The following QTMAN variants were observed in gnomAD, a reference collection of about 807,000 sequenced individuals.
QTMAN encodes the protein queuosine-tRNA mannosyltransferase.
the QTMAN span, chr2:144,208,817 C>A: frequency 3.4e-6 from 5 of 1,458,902 alleles, no homozygotes; most frequent in East Asian, 2.4e-5. Flanking sequence ...AAATAACAAC[C>A]AAAAAATGTA....
chr2:144,109,670 A>C, the QTMAN span, among the ~76,000 whole-genome samples: 1 of 152,144 alleles, frequency 6.6e-6, no homozygotes, highest in Non-Finnish European at 1.5e-5. Flanking sequence ...TAATATCCAG[A>C]ATCTACAATA....
At chr2:144,259,385 C>T in the QTMAN span, among the ~76,000 whole-genome samples, 2 of 152,158 alleles carry the variant, frequency 1.3e-5, no homozygotes, top group Non-Finnish European at 2.9e-5. Flanking sequence ...TCTCAAACTT[C>T]TGATCTCAAG....
the QTMAN span, among the ~76,000 whole-genome samples, chr2:144,315,488 T>C: frequency 2.6e-5 from 4 of 152,330 alleles, no homozygotes; most frequent in African/African-American, 9.6e-5. Context: ...CACCATAAGA[T>C]AGAAATACAA....
chr2:144,174,168 C>T, the QTMAN span, among the ~76,000 whole-genome samples: 2 of 152,170 alleles, frequency 1.3e-5, no homozygotes, highest in Non-Finnish European at 2.9e-5. Context: ...AGGTGAAACC[C>T]TCTACAGACA....
At chr2:144,182,645 A>G in the QTMAN span, among the ~76,000 whole-genome samples, 1 of 123,342 alleles carries the variant, frequency 8.1e-6, no homozygotes, top group African/African-American at 3.6e-5. Context: ...CTCCGTCTCA[A>G]AAAAAAAAAA....
the QTMAN span, among the ~76,000 whole-genome samples, chr2:144,206,447 T>C: frequency 3.3e-5 from 5 of 152,192 alleles, no homozygotes; most frequent in Non-Finnish European, 5.9e-5. Flanking sequence ...TTCATGCTAC[T>C]GCTATTTTTC....
chr2:144,275,890 C>T, the QTMAN span, among the ~76,000 whole-genome samples: 4 of 152,120 alleles, frequency 2.6e-5, no homozygotes, highest in Non-Finnish European at 4.4e-5. Flanking sequence ...AATAATTTCA[C>T]AGAGTTCCCA....
chr2:144,266,748 AGTCACTACTACTTTCGGTACATAT>A, the QTMAN span, among the ~76,000 whole-genome samples: 1 of 152,254 alleles, frequency 6.6e-6, no homozygotes, highest in Non-Finnish European at 1.5e-5. Flanking sequence ...AACTCAGGCA[AGTCACTACTACTTTCGGTACATAT>A]GTCCCCATCT....
chr2:144,255,746 A>T, the QTMAN span, among the ~76,000 whole-genome samples: 25 of 152,210 alleles, frequency 1.6e-4, no homozygotes, highest in African/African-American at 6.0e-4. Context: ...AGGGCATTAA[A>T]ACTATGTTGT....
chr2:143,971,115 C>CTTT, the QTMAN span, among the ~76,000 whole-genome samples: 57 of 144,438 alleles, frequency 3.9e-4, no homozygotes, highest in African/African-American at 1.4e-3. Context: ...TAAAAATAAA[C>CTTT]TTTTTTTTTT....
chr2:144,320,111 G>A, the QTMAN span, among the ~76,000 whole-genome samples: 1 of 152,172 alleles, frequency 6.6e-6, no homozygotes, highest in African/African-American at 2.4e-5. Context: ...TTTGTGACAT[G>A]TGAAGATTAT....
chr2:144,254,471 T>G, the QTMAN span, among the ~76,000 whole-genome samples: 3 of 152,084 alleles, frequency 2.0e-5, no homozygotes, highest in Non-Finnish European at 4.4e-5. Flanking sequence ...TTTGGGAACC[T>G]CCACCTATAT....
chr2:144,176,493 C>A, the QTMAN span, among the ~76,000 whole-genome samples: 1 of 151,562 alleles, frequency 6.6e-6, no homozygotes, highest in African/African-American at 2.4e-5. Context: ...TACTAGACAA[C>A]AAAATTAGGC....
chr2:144,330,602 C>G, the QTMAN span, among the ~76,000 whole-genome samples: 1 of 152,204 alleles, frequency 6.6e-6, no homozygotes, highest in African/African-American at 2.4e-5. Context: ...AATGTAAATA[C>G]TTCCTAACTA....
chr2:144,127,655 C>T, the QTMAN span, among the ~76,000 whole-genome samples: 1 of 151,868 alleles, frequency 6.6e-6, no homozygotes, highest in Non-Finnish European at 1.5e-5. Context: ...GTAGGTGTGA[C>T]CTTATACATG....
the QTMAN span, among the ~76,000 whole-genome samples, chr2:144,235,978 A>AATT: frequency 2.7e-5 from 4 of 150,750 alleles, no homozygotes; most frequent in African/African-American, 7.3e-5. Context: ...TAATAATAAT[A>AATT]ATTATTATTA....
chr2:144,011,608 G>A, the QTMAN span: 41 of 947,184 alleles, frequency 4.3e-5, no homozygotes, highest in Middle Eastern at 2.7e-3. Flanking sequence ...GTACAGTTAA[G>A]AGAAGCCTGG....
the QTMAN span, among the ~76,000 whole-genome samples, chr2:144,165,082 G>A: frequency 6.6e-6 from 1 of 151,902 alleles, no homozygotes; most frequent in Admixed American, 6.6e-5. Context: ...AGCAAGTTAG[G>A]GAAGGCTGGC....
At chr2:144,086,996 T>C in the QTMAN span, among the ~76,000 whole-genome samples, 1 of 152,138 alleles carries the variant, frequency 6.6e-6, no homozygotes, top group Non-Finnish European at 1.5e-5. Context: ...TAATTTGAGA[T>C]CCTATCATTT....
Sources: gnomAD v4.1 joint callset for allele counts (sites outside exome capture counted in the v4.1 genomes callset) on GRCh38, gnomAD v4.1.1 for gene constraint, MANE v1.5 for transcripts, NCBI Gene and HGNC (gene_info 2026-07-23, HGNC 2026-07-21) for gene names.